INPP4B: variants seen among roughly 807,000 people sequenced by gnomAD.
The protein encoded by INPP4B is inositol polyphosphate 4-phosphatase type II.
Under a neutral mutation model 122.5 loss-of-function variants are expected in INPP4B, and 55 were observed. The observed-to-expected ratio is 0.45, with a 90% CI of 0.36 to 0.56. The LOEUF is 0.56. INPP4B is among the 20% of genes least tolerant of loss of function. The pLI, the probability that INPP4B is intolerant of heterozygous loss-of-function variation, is 0.00. For missense variants in INPP4B, 1,000 were observed against 1,097.7 expected (o/e 0.91, Z 1.26); for synonymous variants, 403 against 388.7 (o/e 1.04, Z -0.43).
intron 2 of INPP4B, among the ~76,000 whole-genome samples, chr4:142,589,800 C>G (rs4560494): frequency 6.6e-6 from 1 of 152,032 alleles, no homozygotes; most frequent in Non-Finnish European, 1.5e-5. Context: ...TTTGAAAGCA[C>G]GTTTACCTAG....
In INPP4B at chr4:142,028,669, G is replaced by T; in HGVS notation, c.*113C>A. The T allele has an allele frequency of 9.0e-7, 1 of 1,106,948 alleles. No individual in the cohort carries two copies. Among genetic ancestry groups the T allele is most frequent in the Non-Finnish European group, 1.3e-6 (1 of 771,050 alleles). 68.6% of individuals were successfully genotyped at this position (1,106,948 alleles called of 1,614,324 possible). Reference sequence around the variant, plus strand: ...TTCCTAGATTTTGGGAAACATCTGTGATCATCTCCCCCACCACAAATTCAT... The same window carrying T: ...TTCCTAGATTTTGGGAAACATCTGTTATCATCTCCCCCACCACAAATTCAT... On this transcript the variant is annotated 3_prime_UTR_variant, in exon 26 of 26. Coordinates refer to ENST00000262992, the MANE Select transcript of INPP4B (RefSeq NM_001101669.3).
chr4:142,227,247 A>T (rs1489777510), intron 12 of INPP4B, among the ~76,000 whole-genome samples: 1 of 152,132 alleles, frequency 6.6e-6, no homozygotes, highest in Non-Finnish European at 1.5e-5. Context: ...CAGAAGGCAT[A>T]GCAAGGGAGG....
rs187212363 is a variant in INPP4B at position 142,069,614 on chromosome 4, A to G, written c.2642+12417T>C. 7.7e-3 allele frequency among the ~76,000 whole-genome samples: 1,166 copies of G among 152,328 alleles called. 10 individuals carry two copies. The highest frequency in any genetic ancestry group is 0.013 in the Non-Finnish European group (918 of 68,034). Reference sequence around the variant, plus strand: ...AGACTAATAAAGAAGAAAAAAGAGAAGAATCAAATAGATGCAATAAAAAAA... The same window carrying G: ...AGACTAATAAAGAAGAAAAAAGAGAGGAATCAAATAGATGCAATAAAAAAA... On this transcript the variant is annotated intron_variant, in intron 25 of 25. Transcript: ENST00000262992.
intron 16 of INPP4B, among the ~76,000 whole-genome samples, chr4:142,168,532 T>G (rs746311112): frequency 4.9e-4 from 75 of 151,748 alleles, no homozygotes; most frequent in Admixed American, 1.3e-3. Flanking sequence ...AAGAGCAGCC[T>G]CTAATCTAAG....
chr4:142,693,025 A>G lies in INPP4B; in HGVS notation c.-191+32814T>C, dbSNP rs990653083. Among the ~76,000 whole-genome samples, 3 of 151,752 alleles carry G rather than the reference A, an allele frequency of 2.0e-5. No homozygotes were observed. The East Asian group carries it at 5.8e-4, about 29-fold the overall frequency. On this transcript the variant is annotated intron_variant, in intron 2 of 25. Transcript: ENST00000262992. ...TGATGCCTTAAAAAAAAAAAAAGAG[A>G]AATTAACAGAAAAAGGTGCCACATG...
intron 7 of INPP4B, among the ~76,000 whole-genome samples, chr4:142,372,040 A>G (rs1331347511): frequency 6.6e-6 from 1 of 152,152 alleles, no homozygotes; most frequent in Non-Finnish European, 1.5e-5. Flanking sequence ...GTAAGTGTTC[A>G]TTAGTGGATG....
chr4:142,448,627 C>T (rs1489581), intron 3 of INPP4B, among the ~76,000 whole-genome samples: 43,057 of 151,944 alleles, frequency 0.28, 7,248 homozygotes, highest in East Asian at 0.45. Context: ...AAACCAGAAA[C>T]ACGATCCAGA....
intron 5 of INPP4B, among the ~76,000 whole-genome samples, chr4:142,415,394 A>G (rs1301809113): frequency 1.3e-5 from 2 of 152,192 alleles, no homozygotes; most frequent in Non-Finnish European, 2.9e-5. Flanking sequence ...CAGAAAAGAC[A>G]CATGAAAAAA....
Position 142,834,070 on chromosome 4 carries a change from T to G in INPP4B, c.-254+12139A>C, listed in dbSNP as rs1235510195. On this transcript the variant is annotated intron_variant, in intron 1 of 25. Coordinates refer to ENST00000262992, the MANE Select transcript of INPP4B (RefSeq NM_001101669.3). ...ATTATCAAATTTAATTTTAAAGGCA[T>G]GCTAACATGTAGCCAAGCTCCAAAA... Among the ~76,000 whole-genome samples, 3 of 152,190 alleles carry G rather than the reference T, an allele frequency of 2.0e-5. No homozygotes were observed. In the East Asian group the frequency reaches 5.8e-4, roughly 29 times the overall value.
chr4:142,169,461 A>G (rs1023330718), intron 16 of INPP4B, among the ~76,000 whole-genome samples: 1 of 151,702 alleles, frequency 6.6e-6, no homozygotes, highest in Non-Finnish European at 1.5e-5. Flanking sequence ...TCAACATAAC[A>G]TTCTTCTCTC....
At chr4:142,037,701 T>G (rs1341565946) in intron 25 of INPP4B, among the ~76,000 whole-genome samples, 1 of 152,200 alleles carries the variant, frequency 6.6e-6, no homozygotes, top group Non-Finnish European at 1.5e-5. Flanking sequence ...GAGCTTTATT[T>G]GACTCAACAT....
rs78252945 is a variant in INPP4B, at chr4:142,748,252, G to C, written c.-253-22351C>G. On this transcript the variant is annotated intron_variant, in intron 1 of 25. Transcript: ENST00000262992. ...GAGTAATAGAGGACACAACTAGCAT[G>C]GTGATTAGAAGATGTGTAGCTTTAA... Among the ~76,000 whole-genome samples the C allele has an allele frequency of 9.2e-5, 14 of 152,096 alleles. No individual in the cohort carries two copies. In the East Asian group the frequency reaches 2.5e-3, roughly 27 times the overall value.
intron 7 of INPP4B, among the ~76,000 whole-genome samples, chr4:142,398,899 G>T (rs1202344934): frequency 1.3e-5 from 2 of 152,112 alleles, no homozygotes; most frequent in South Asian, 2.1e-4. Flanking sequence ...TATAAGCAAA[G>T]AATTTAACAA....
At chr4:142,691,906 C>A (rs1168812506) in intron 2 of INPP4B, among the ~76,000 whole-genome samples, 1 of 152,120 alleles carries the variant, frequency 6.6e-6, no homozygotes, top group Non-Finnish European at 1.5e-5. Flanking sequence ...GCTGTCTCCT[C>A]TGAAAGGAGG....
chr4:142,415,491 A>G (rs537019528), intron 5 of INPP4B, among the ~76,000 whole-genome samples: 1 of 152,274 alleles, frequency 6.6e-6, no homozygotes, highest in East Asian at 1.9e-4. Context: ...ATCATTAAAA[A>G]GTCAGGAAAC....
intron 9 of INPP4B, among the ~76,000 whole-genome samples, chr4:142,302,602 T>C (rs1761895692): frequency 6.6e-6 from 1 of 152,116 alleles, no homozygotes; most frequent in Non-Finnish European, 1.5e-5. Flanking sequence ...CAATGAGACA[T>C]CTCTAATATA....
chr4:142,474,094 G>A (rs985630377), intron 2 of INPP4B: 27 of 152,416 alleles, frequency 1.8e-4, no homozygotes, highest in African/African-American at 6.3e-4. Flanking sequence ...ACTTGCTAGA[G>A]CTTCCGGTCC....
intron 7 of INPP4B, among the ~76,000 whole-genome samples, chr4:142,382,287 T>C (rs1794393263): frequency 6.6e-6 from 1 of 151,820 alleles, no homozygotes; most frequent in Non-Finnish European, 1.5e-5. Context: ...GGCGGGTGGA[T>C]CACCTGAGAT....
intron 14 of INPP4B, among the ~76,000 whole-genome samples, chr4:142,198,441 A>T (rs933026543): frequency 4.6e-5 from 7 of 151,514 alleles, no homozygotes; most frequent in Admixed American, 4.6e-4. Flanking sequence ...TTCTTGTTAT[A>T]GTTTTCATGT....
Sources: gnomAD v4.1 joint callset for allele counts (sites outside exome capture counted in the v4.1 genomes callset) on GRCh38, gnomAD v4.1.1 for gene constraint, MANE v1.5 for transcripts, NCBI Gene and HGNC (gene_info 2026-07-23, HGNC 2026-07-21) for gene names.